Variants in ALK observed in about 807,000 individuals in gnomAD.
ALK encodes ALK tyrosine kinase receptor.
Under a neutral mutation model 163.1 loss-of-function variants are expected in ALK, and 74 were observed. That is an observed-to-expected ratio of 0.45 (90% CI 0.38 to 0.55). The LOEUF is 0.55. Among genes scored for constraint, ALK ranks in the 20% least tolerant of loss-of-function variants. ALK has a pLI of 0.00. For missense variants in ALK, 2,063 were observed against 2,105.3 expected, an observed-to-expected ratio of 0.98 and a Z score of 0.39; for synonymous variants, 960 against 843.2, an observed-to-expected ratio of 1.14 and a Z score of -2.40.
At position 29,768,743 on chromosome 2, in the gene ALK, G is replaced by GTGTGTATA. The variant is rs373708982; in HGVS notation, c.668-51047_668-51046insTATACACA. Among the ~76,000 whole-genome samples the GTGTGTATA allele has an allele frequency of 9.3e-5, 14 of 150,682 alleles. 1 individual carries two copies. Among genetic ancestry groups the GTGTGTATA allele is most frequent in the African/African-American group, 3.4e-4 (14 of 40,934 alleles). On this transcript the variant is annotated intron_variant, in intron 1 of 28. Transcript: ENST00000389048. Reference sequence around the variant, plus strand: ...TGTGTGTGTGTGTGTGTGTGTGTGTGTATATATGTATATGTGCCTATAAGC... The same window carrying GTGTGTATA: ...TGTGTGTGTGTGTGTGTGTGTGTGTGTGTGTATATATATATGTATATGTGCCTATAAGC...
At chr2:29,316,638 C>T (rs1300678546) in intron 8 of ALK, among the ~76,000 whole-genome samples, 2 of 152,188 alleles carry the variant, frequency 1.3e-5, no homozygotes, top group Admixed American at 6.5e-5. Context: ...GGCCAACCAT[C>T]TGTCTTCATT....
intron 2 of ALK, among the ~76,000 whole-genome samples, chr2:29,701,893 G>T (rs1678752747): frequency 6.6e-6 from 1 of 152,114 alleles, no homozygotes. Context: ...TTACTGATGT[G>T]TTTCCTTCCT....
intron 4 of ALK, among the ~76,000 whole-genome samples, chr2:29,505,156 G>T (rs1479794572): frequency 1.3e-5 from 2 of 152,190 alleles, no homozygotes; most frequent in Non-Finnish European, 2.9e-5. Flanking sequence ...TAGCCTTTGG[G>T]CTCTCAGTGG....
intron 4 of ALK, among the ~76,000 whole-genome samples, chr2:29,463,178 G>A (rs938648457): frequency 7.9e-5 from 12 of 152,078 alleles, no homozygotes; most frequent in African/African-American, 2.4e-5. Context: ...GACCTTAGAT[G>A]GATTTTTACA....
At chr2:29,356,572 T>G (rs905752910) in intron 5 of ALK, among the ~76,000 whole-genome samples, 1 of 152,166 alleles carries the variant, frequency 6.6e-6, no homozygotes, top group Non-Finnish European at 1.5e-5. Flanking sequence ...CTGCCTCTGG[T>G]TCTAGATTTT....
In ALK at chr2:29,228,987, A is replaced by G; in HGVS notation, c.2712T>C (p.His904=). 6.7e-7 allele frequency: 1 copy of G among 1,490,894 alleles called. No homozygotes were observed. The highest frequency in any genetic ancestry group is 9.0e-7 in the Non-Finnish European group (1 of 1,105,510). 92.4% of individuals were successfully genotyped at this position (1,490,894 alleles called of 1,614,324 possible). The change falls in exon 16 of 29, where the codon CAT becomes CAC. Residue 904 remains histidine (H), a synonymous_variant. Coordinates refer to ENST00000389048, the MANE Select transcript of ALK (RefSeq NM_004304.5). ...ACTTCTTCATGGCCTGGGGGCAGGA[A>G]TGTCCTCCGGTGGCACCCTCCTGCA... ...KSLQEGATGG[H]SCPQAMKKWG... is the part of the protein sequence containing the mutation.
Position 29,251,104 on chromosome 2 carries a change from C to T in ALK, c.2204+1G>A, listed in dbSNP as rs1365014287. 2 of 1,613,992 alleles carry T rather than the reference C, an allele frequency of 1.2e-6. No homozygotes were observed. Among genetic ancestry groups the T allele is most frequent in the Non-Finnish European group, 1.7e-6 (2 of 1,179,966 alleles). ...CTCCCCTCCCCCTCTTCCATACGCA[C>T]CTGTAGGTGTCGGTGGCTGGCACCT... On this transcript the variant is annotated splice_donor_variant, in intron 12 of 28. Coordinates refer to ENST00000389048, the MANE Select transcript of ALK (RefSeq NM_004304.5). LOFTEE classifies it high-confidence loss of function.
chr2:29,905,610 G>GAGA lies in ALK; in HGVS notation c.667+14382_667+14383insTCT, dbSNP rs1485679876. Among the ~76,000 whole-genome samples the GAGA allele has an allele frequency of 4.8e-5, 7 of 145,874 alleles. 1 individual carries two copies. The highest frequency in any genetic ancestry group is 2.0e-4 in the East Asian group (1 of 5,012). On this transcript the variant is annotated intron_variant, in intron 1 of 28. Coordinates refer to ENST00000389048, the MANE Select transcript of ALK (RefSeq NM_004304.5). ...AGGAAAGAAGGAAGGAAAGAAGGAA[G>GAGA]GGAGGAAGGAAGGAAGGAAGGGAGG...
chr2:29,466,219 C>T (rs555839359), intron 4 of ALK, among the ~76,000 whole-genome samples: 7 of 152,074 alleles, frequency 4.6e-5, no homozygotes, highest in African/African-American at 7.2e-5. Context: ...TTTAAAAAGC[C>T]GTGAAAACAC....
At chr2:29,320,702 T>C (rs1413262782) in intron 7 of ALK, 49 bp downstream of exon 7, 15 of 1,611,134 alleles carry the variant, frequency 9.3e-6, no homozygotes, top group Non-Finnish European at 1.3e-5. Context: ...CATCTGTCTA[T>C]GTGGGCATGA....
At chr2:29,490,692 C>G (rs556902472) in intron 4 of ALK, among the ~76,000 whole-genome samples, 5 of 152,252 alleles carry the variant, frequency 3.3e-5, no homozygotes, top group Admixed American at 3.3e-4. Flanking sequence ...TACATAGATT[C>G]CCCAGAGTAA....
intron 3 of ALK, among the ~76,000 whole-genome samples, chr2:29,688,475 G>A (rs939191573): frequency 1.3e-5 from 2 of 152,182 alleles, no homozygotes; most frequent in African/African-American, 4.8e-5. Context: ...ATATAACATG[G>A]TAGGAGTACA....
chr2:29,702,386 A>G (rs1047832924), intron 2 of ALK, among the ~76,000 whole-genome samples: 1 of 152,230 alleles, frequency 6.6e-6, no homozygotes, highest in Non-Finnish European at 1.5e-5. Flanking sequence ...TGGGGGCAGG[A>G]CAGGAGCCAG....
chr2:29,695,060 G>C, intron 2 of ALK, 46 bp from the exon 3 acceptor site: 1 of 1,612,354 alleles, frequency 6.2e-7, no homozygotes, highest in Non-Finnish European at 8.5e-7. Context: ...TTTCCCAAAC[G>C]TGACTTTTCA....
chr2:29,395,738 G>C (rs756235733), intron 4 of ALK, among the ~76,000 whole-genome samples: 3 of 152,226 alleles, frequency 2.0e-5, no homozygotes, highest in East Asian at 3.9e-4. Context: ...TAGTTCCAGA[G>C]GGTCCTGCCC....
At chr2:29,490,684 C>T (rs1372287006) in intron 4 of ALK, among the ~76,000 whole-genome samples, 3 of 152,168 alleles carry the variant, frequency 2.0e-5, no homozygotes, top group Admixed American at 6.5e-5. Flanking sequence ...TGGTGAAGTA[C>T]ATAGATTCCC....
intron 3 of ALK, among the ~76,000 whole-genome samples, chr2:29,582,274 T>G (rs780366425): frequency 2.0e-5 from 3 of 152,150 alleles, no homozygotes; most frequent in Non-Finnish European, 2.9e-5. Context: ...AGGAAGATAT[T>G]TGAATAGTAC....
chr2:29,670,769 C>T (rs1159931435), intron 3 of ALK, among the ~76,000 whole-genome samples: 6 of 151,880 alleles, frequency 4.0e-5, no homozygotes, highest in Admixed American at 2.6e-4. Flanking sequence ...TCTGCTTGGC[C>T]GATTTTTCTG....
Position 29,402,566 on chromosome 2 carries a change from C to T in ALK, c.1155-18707G>A, listed in dbSNP as rs1035510287. Among the ~76,000 whole-genome samples the T allele has an allele frequency of 7.2e-5, 11 of 152,124 alleles. No homozygotes were observed. The East Asian group carries it at 9.6e-4, about 13-fold the overall frequency. ...ATAGAAGAGTGCTTTGAAGATACAC[C>T]GTATAATAGGTTTCTATTTTTTGGT... On this transcript the variant is annotated intron_variant, in intron 4 of 28. Coordinates refer to ENST00000389048, the MANE Select transcript of ALK (RefSeq NM_004304.5).
Sources: gnomAD v4.1 joint callset for allele counts (sites outside exome capture counted in the v4.1 genomes callset) on GRCh38, gnomAD v4.1.1 for gene constraint, MANE v1.5 for transcripts, NCBI Gene and HGNC (gene_info 2026-07-23, HGNC 2026-07-21) for gene names.